The following ZEB1 variants were observed in gnomAD, a reference collection of about 807,000 sequenced individuals.
ZEB1 encodes zinc finger E-box-binding homeobox 1.
In ZEB1, 21 loss-of-function variants were observed where a neutral mutation model predicts 84.9. The ratio of observed to expected loss-of-function variants is 0.25; its 90% CI spans 0.18 to 0.36. The LOEUF (loss-of-function observed/expected upper bound fraction) is 0.36. ZEB1 is among the 10% of genes least tolerant of loss of function. The pLI is 1.00. For synonymous variants in ZEB1, 420 were observed against 471.1 expected, an observed-to-expected ratio of 0.89 and a Z score of 1.41; for missense variants, 1,104 against 1,330.2, an observed-to-expected ratio of 0.83 and a Z score of 2.65.
intron 1 of ZEB1, among the ~76,000 whole-genome samples, chr10:31,349,378 A>G (rs1242216744): frequency 6.6e-6 from 1 of 152,170 alleles, no homozygotes; most frequent in Non-Finnish European, 1.5e-5. Flanking sequence ...GCTGAAATGA[A>G]CAGGGGAGTA....
At position 31,459,830 on chromosome 10, in the gene ZEB1, A is replaced by AGTGTGTGTGT. The variant is rs3086581; in HGVS notation, c.59-1164_59-1155dup. On this transcript the variant is annotated intron_variant, in intron 1 of 8. Coordinates refer to ENST00000424869, the MANE Select transcript of ZEB1 (RefSeq NM_001174096.2). ...GTATTTCTTCCTTCGTGTTCTCAGG[A>AGTGTGTGTGT]GTGTGTGTGTGTGTGTGTGTGTGTG... is the stretch of plus-strand genomic sequence containing the variant. 1.8e-4 allele frequency among the ~76,000 whole-genome samples: 24 copies of AGTGTGTGTGT among 129,904 alleles called. 1 individual carries two copies. The highest frequency in any genetic ancestry group is 2.8e-4 in the African/African-American group (10 of 35,938). The allele number at this position is 129,904 out of a possible 152,430, so 85.2% of individuals were successfully genotyped here.
At chr10:31,338,876 A>AT (rs2038788402) in intron 1 of ZEB1, among the ~76,000 whole-genome samples, 1 of 152,168 alleles carries the variant, frequency 6.6e-6, no homozygotes, top group Non-Finnish European at 1.5e-5. Flanking sequence ...TTTGATATTT[A>AT]TACATCATAA....
At chr10:31,477,532 AAAG>A (rs1258793231) in intron 2 of ZEB1, among the ~76,000 whole-genome samples, 1 of 152,090 alleles carries the variant, frequency 6.6e-6, no homozygotes, top group African/African-American at 2.4e-5. Flanking sequence ...TGGACCAAAA[AAAG>A]AGCCTGAATA....
intron 6 of ZEB1, among the ~76,000 whole-genome samples, chr10:31,517,554 T>C (rs1451342045): frequency 1.3e-5 from 2 of 151,136 alleles, no homozygotes; most frequent in Non-Finnish European, 2.9e-5. Context: ...GTAGTGAAAC[T>C]TCCTGATGTA....
At chr10:31,375,272 A>G (rs912164277) in intron 1 of ZEB1, among the ~76,000 whole-genome samples, 1 of 151,826 alleles carries the variant, frequency 6.6e-6, no homozygotes, top group Non-Finnish European at 1.5e-5. Flanking sequence ...AGATCCAGGC[A>G]GTCCCCCTTG....
intron 1 of ZEB1, among the ~76,000 whole-genome samples, chr10:31,414,796 A>G (rs977115679): frequency 9.9e-5 from 15 of 152,146 alleles, no homozygotes; most frequent in South Asian, 2.1e-4. Flanking sequence ...CTGTTTTGCA[A>G]ATTCCCTCAG....
chr10:31,368,857 C>T (rs1284435839), intron 1 of ZEB1, among the ~76,000 whole-genome samples: 1 of 152,088 alleles, frequency 6.6e-6, no homozygotes, highest in Non-Finnish European at 1.5e-5. Context: ...ACTGCCTGTC[C>T]AAAATAATTT....
At chr10:31,372,313 A>G (rs774526523) in intron 1 of ZEB1, among the ~76,000 whole-genome samples, 3 of 152,082 alleles carry the variant, frequency 2.0e-5, no homozygotes, top group Non-Finnish European at 4.4e-5. Context: ...ACACTGAGAT[A>G]TATCTTAACA....
intron 2 of ZEB1, among the ~76,000 whole-genome samples, chr10:31,472,426 A>G (rs1039860758): frequency 6.6e-6 from 1 of 152,216 alleles, no homozygotes; most frequent in Non-Finnish European, 1.5e-5. Flanking sequence ...AATACTACAA[A>G]TACCTCTATG....
chr10:31,340,448 T>C (rs1599966), intron 1 of ZEB1, among the ~76,000 whole-genome samples: 3,601 of 152,292 alleles, frequency 0.024, 135 homozygotes, highest in African/African-American at 0.082. Context: ...ATTTTAGTAG[T>C]AGCACTTAAC....
At chr10:31,494,871 A>C (rs1046757844) in intron 2 of ZEB1, among the ~76,000 whole-genome samples, 1 of 152,186 alleles carries the variant, frequency 6.6e-6, no homozygotes, top group African/African-American at 2.4e-5. Context: ...AGCCCACTAT[A>C]AATGTAGAGG....
At chr10:31,511,722 A>G (rs1234219973) in intron 5 of ZEB1, among the ~76,000 whole-genome samples, 1 of 152,200 alleles carries the variant, frequency 6.6e-6, no homozygotes, top group Non-Finnish European at 1.5e-5. Flanking sequence ...GTATATCTAC[A>G]TACCTGAACT....
intron 3 of ZEB1, among the ~76,000 whole-genome samples, chr10:31,501,543 C>T (rs1003168671): frequency 1.2e-4 from 18 of 152,100 alleles, no homozygotes; most frequent in African/African-American, 4.1e-4. Context: ...TTATTAAAAA[C>T]TATTTTCTAA....
At chr10:31,319,194 G>A (rs1454184122), upstream of ZEB1, 4 of 1,481,458 alleles carry the variant, frequency 2.7e-6, no homozygotes, top group South Asian at 1.2e-5. Flanking sequence ...GGAGGGAGGG[G>A]GAGGAGGTGA....
intron 1 of ZEB1, among the ~76,000 whole-genome samples, chr10:31,453,063 A>T (rs2060797370): frequency 6.6e-6 from 1 of 152,092 alleles, no homozygotes; most frequent in African/African-American, 2.4e-5. Context: ...GTTTTTAAGG[A>T]TTAGTCTTCT....
upstream of ZEB1, chr10:31,318,908 G>A (rs2032880265): frequency 2.4e-6 from 1 of 414,102 alleles, no homozygotes; most frequent in Non-Finnish European, 4.6e-6. Context: ...TTCCAACTCC[G>A]ACAGCCCGTC....
chr10:31,508,129 G>C (rs2069296659), intron 4 of ZEB1, among the ~76,000 whole-genome samples: 1 of 152,148 alleles, frequency 6.6e-6, no homozygotes, highest in Non-Finnish European at 1.5e-5. Flanking sequence ...GTGAAGTTTG[G>C]CTGGGACAGG....
chr10:31,362,685 G>A, intron 1 of ZEB1: 1 of 435,448 alleles, frequency 2.3e-6, no homozygotes, highest in Non-Finnish European at 4.3e-6. Flanking sequence ...CCAGATGGTG[G>A]AGCAGCAGGG....
At chr10:31,335,878 C>CAA (rs968201317) in intron 1 of ZEB1, among the ~76,000 whole-genome samples, 2 of 152,086 alleles carry the variant, frequency 1.3e-5, no homozygotes, top group African/African-American at 4.8e-5. Flanking sequence ...ATGAATTACT[C>CAA]AAAGTTTAAA....
Sources: gnomAD v4.1 joint callset for allele counts (sites outside exome capture counted in the v4.1 genomes callset) on GRCh38, gnomAD v4.1.1 for gene constraint, MANE v1.5 for transcripts, NCBI Gene and HGNC (gene_info 2026-07-23, HGNC 2026-07-21) for gene names.